Variants in TLN2 observed in about 807,000 individuals in gnomAD.
TLN2 encodes talin-2.
TLN2 carries 118 observed loss-of-function variants against 294.7 expected under a neutral mutation model. The ratio of observed to expected loss-of-function variants is 0.40; its 90% CI spans 0.34 to 0.47. The LOEUF (loss-of-function observed/expected upper bound fraction) is 0.47. Ranked by LOEUF, TLN2 falls within the 20% of genes least tolerant of loss-of-function variation. TLN2 has a pLI of 0.84. For missense variants in TLN2, 3,083 were observed against 3,282.2 expected, an observed-to-expected ratio of 0.94 and a Z score of 1.48; for synonymous variants, 1,431 against 1,304.5, an observed-to-expected ratio of 1.10 and a Z score of -2.09.
At chr15:62,592,462 C>A (rs975262523) in intron 2 of TLN2, among the ~76,000 whole-genome samples, 2 of 152,134 alleles carry the variant, frequency 1.3e-5, no homozygotes, top group African/African-American at 2.4e-5. Context: ...TATTCTCTTC[C>A]CTTTTTAGGA....
intron 3 of TLN2, chr15:62,640,329 G>A (rs909258756): frequency 1.1e-5 from 5 of 454,610 alleles, no homozygotes; most frequent in African/African-American, 2.1e-5. Flanking sequence ...GGGCACAGAG[G>A]CCTTCCCAGG....
intron 1 of TLN2, among the ~76,000 whole-genome samples, chr15:62,509,801 C>G (rs1435487098): frequency 4.6e-5 from 7 of 152,232 alleles, no homozygotes. Context: ...TCCCACTTCC[C>G]TGCCTGGAAC....
intron 1 of TLN2, among the ~76,000 whole-genome samples, chr15:62,450,725 T>C (rs984237950): frequency 3.9e-5 from 6 of 152,062 alleles, no homozygotes; most frequent in African/African-American, 1.4e-4. Context: ...AGCTCCTGTG[T>C]GCTACTATGC....
In TLN2 at chr15:62,708,657, G is replaced by T. The variant is rs1479226404; in HGVS notation, c.2328G>T (p.Val776=). Residue 776 remains valine, a synonymous_variant, in exon 21 of 59, where the codon GTG becomes GTT. Coordinates refer to ENST00000636159, the MANE Select transcript of TLN2 (RefSeq NM_015059.3). ...AGCAGGTCAGCGCAGCGGCCAGCGT[G>T]GTCAGCCAGGCCCTCCATGATCTCC... ...LLKQVSAAAS[V]VSQALHDLLQ... 1.9e-6 allele frequency: 3 copies of T among 1,614,094 alleles called. No homozygotes were observed. The highest frequency in any genetic ancestry group is 1.7e-5 in the Admixed American group (1 of 60,014).
At chr15:62,738,677 A>C (rs1053657082) in intron 30 of TLN2, among the ~76,000 whole-genome samples, 1 of 152,182 alleles carries the variant, frequency 6.6e-6, no homozygotes, top group African/African-American at 2.4e-5. Context: ...CCTCAGTGAG[A>C]GAGCGAGTAG....
chr15:62,759,860 G>C (rs897988218), intron 37 of TLN2, among the ~76,000 whole-genome samples: 2 of 152,162 alleles, frequency 1.3e-5, no homozygotes, highest in Admixed American at 6.5e-5. Flanking sequence ...TCTGTGTCAG[G>C]CTCCTGCTGA....
intron 46 of TLN2, among the ~76,000 whole-genome samples, chr15:62,795,822 A>G (rs1436088370): frequency 6.6e-6 from 1 of 152,230 alleles, no homozygotes; most frequent in Non-Finnish European, 1.5e-5. Flanking sequence ...ATGCCTTGCT[A>G]GACACTTTAC....
rs377167782 is a variant in TLN2, at chr15:62,774,417, C to T, written c.5368-2347C>T. On this transcript the variant is annotated intron_variant, in intron 42 of 58. Transcript: ENST00000636159. ...CCGATGCCACTTATGAGATTGCTGTCGGTGGTTTAAACAGGCCTTAATTGA... is the reference window on the plus strand; with the variant it reads ...CCGATGCCACTTATGAGATTGCTGTTGGTGGTTTAAACAGGCCTTAATTGA... Among the ~76,000 whole-genome samples the T allele has an allele frequency of 1.1e-4, 17 of 152,212 alleles. No homozygotes were observed. In the East Asian group the frequency reaches 1.9e-3, roughly 17 times the overall value.
At chr15:62,405,786 G>T (rs74979421) in intron 1 of TLN2, among the ~76,000 whole-genome samples, 130 of 152,282 alleles carry the variant, frequency 8.5e-4, no homozygotes, top group African/African-American at 2.9e-3. Context: ...AGCTGGCTGC[G>T]CAGGGATGGA....
chr15:62,798,883 A>G (rs2065718539), intron 48 of TLN2, among the ~76,000 whole-genome samples: 1 of 152,178 alleles, frequency 6.6e-6, no homozygotes, highest in African/African-American at 2.4e-5. Context: ...TGCCTTTTGG[A>G]ATTCTAAGCA....
chr15:62,705,619 A>G (rs952437440), intron 19 of TLN2, among the ~76,000 whole-genome samples: 1 of 152,242 alleles, frequency 6.6e-6, no homozygotes, highest in African/African-American at 2.4e-5. Context: ...AGATGAATTC[A>G]TATCAAGTGA....
intron 7 of TLN2, 79 bp downstream of exon 7, chr15:62,653,393 C>T: frequency 6.8e-7 from 1 of 1,472,844 alleles, no homozygotes; most frequent in Non-Finnish European, 9.0e-7. Context: ...TCCATATGAC[C>T]CAGGACAGGA....
Position 62,439,632 on chromosome 15 carries a change from T to C in TLN2, c.-238+48947T>C, listed in dbSNP as rs542743704. ...GCCTATCTTAGCCAGTTTTTATGGA[T>C]TGGGTCAGCATGCCACCAGCCTCTG... On this transcript the variant is annotated intron_variant, in intron 1 of 58. Transcript: ENST00000636159. Among the ~76,000 whole-genome samples, 4 of 152,188 alleles carry C rather than the reference T, an allele frequency of 2.6e-5. No individual in the cohort carries two copies. In the East Asian group the frequency reaches 7.7e-4, roughly 29 times the overall value.
chr15:62,432,487 A>C (rs1291076661), intron 1 of TLN2, among the ~76,000 whole-genome samples: 1 of 152,120 alleles, frequency 6.6e-6, no homozygotes, highest in Non-Finnish European at 1.5e-5. Context: ...CTTGACCTAA[A>C]CACCTCTCAA....
At chr15:62,423,064 A>C (rs1336124968) in intron 1 of TLN2, among the ~76,000 whole-genome samples, 1 of 152,232 alleles carries the variant, frequency 6.6e-6, no homozygotes, top group East Asian at 1.9e-4. Context: ...GATGCTGCCC[A>C]GGATCACATT....
At chr15:62,520,774 AG>A (rs1391596093) in intron 1 of TLN2, among the ~76,000 whole-genome samples, 3 of 152,190 alleles carry the variant, frequency 2.0e-5, no homozygotes, top group Non-Finnish European at 4.4e-5. Context: ...TATCTGTTTT[AG>A]AAGTTCTATC....
intron 1 of TLN2, among the ~76,000 whole-genome samples, chr15:62,514,571 T>G (rs904792275): frequency 6.6e-6 from 1 of 152,252 alleles, no homozygotes; most frequent in Non-Finnish European, 1.5e-5. Flanking sequence ...AGAGATTTTA[T>G]TTTAGCAGTT....
chr15:62,485,689 T>C (rs547834960), intron 1 of TLN2, among the ~76,000 whole-genome samples: 16 of 152,342 alleles, frequency 1.1e-4, no homozygotes, highest in African/African-American at 3.4e-4. Flanking sequence ...AACCTTTTCC[T>C]ATACTTCTTA....
intron 24 of TLN2, among the ~76,000 whole-genome samples, chr15:62,718,024 C>CAGG (rs1223877802): frequency 6.6e-6 from 1 of 152,188 alleles, no homozygotes; most frequent in Admixed American, 6.5e-5. Flanking sequence ...CTTTGAGAGG[C>CAGG]AGGACTTCAA....
Sources: gnomAD v4.1 joint callset for allele counts (sites outside exome capture counted in the v4.1 genomes callset) on GRCh38, gnomAD v4.1.1 for gene constraint, MANE v1.5 for transcripts, NCBI Gene and HGNC (gene_info 2026-07-23, HGNC 2026-07-21) for gene names.